PDE1A: variants seen among roughly 807,000 people sequenced by gnomAD.
The protein encoded by PDE1A is dual specificity calcium/calmodulin-dependent 3',5'-cyclic nucleotide phosphodiesterase 1A.
In PDE1A, 35 loss-of-function variants were observed where a neutral mutation model predicts 61.7. That is an observed-to-expected ratio of 0.57 (90% CI 0.43 to 0.75). PDE1A has a LOEUF of 0.75. Among genes scored for constraint, PDE1A ranks in the 30% least tolerant of loss-of-function variants. The probability of loss-of-function intolerance (pLI) is 0.00; values close to 1 mark genes in which losing one functional copy is unlikely to be tolerated. For missense variants in PDE1A, 597 were observed against 630.6 expected (o/e 0.95, Z 0.57); for synonymous variants, 232 against 213.2 (o/e 1.09, Z -0.77).
intron 2 of PDE1A, among the ~76,000 whole-genome samples, chr2:182,454,975 C>A (rs1685802812): frequency 6.6e-6 from 1 of 151,518 alleles, no homozygotes; most frequent in Non-Finnish European, 1.5e-5. Context: ...AGGCAACCTA[C>A]AAAATGGGAG....
At chr2:182,181,448 C>G (rs1289020621) in intron 13 of PDE1A, among the ~76,000 whole-genome samples, 1 of 152,228 alleles carries the variant, frequency 6.6e-6, no homozygotes, top group Non-Finnish European at 1.5e-5. Flanking sequence ...TTGCTGTCTG[C>G]TCCTTCCTCT....
chr2:182,677,592 C>T, the PDE1A span, among the ~76,000 whole-genome samples: 1 of 152,136 alleles, frequency 6.6e-6, no homozygotes, highest in Non-Finnish European at 1.5e-5. Flanking sequence ...ATACCCAAGA[C>T]AATGCTGAAG....
chr2:182,155,061 A>G (rs1690997686), intron 13 of PDE1A, among the ~76,000 whole-genome samples: 1 of 150,754 alleles, frequency 6.6e-6, no homozygotes, highest in South Asian at 2.1e-4. Flanking sequence ...ATGAATATAA[A>G]AAAATGTCCA....
the PDE1A span, among the ~76,000 whole-genome samples, chr2:182,702,375 T>C: frequency 6.6e-6 from 1 of 152,200 alleles, no homozygotes; most frequent in African/African-American, 2.4e-5. Context: ...AGTGCTGGGA[T>C]TACAGGTGTG....
At chr2:182,241,075 T>C (rs1210674738) in intron 2 of PDE1A, among the ~76,000 whole-genome samples, 2 of 152,106 alleles carry the variant, frequency 1.3e-5, no homozygotes, top group Non-Finnish European at 2.9e-5. Flanking sequence ...GTAGATAAAA[T>C]TGACTGGACT....
chr2:182,542,576 A>T, the PDE1A span, among the ~76,000 whole-genome samples: 1 of 152,108 alleles, frequency 6.6e-6, no homozygotes, highest in Non-Finnish European at 1.5e-5. Flanking sequence ...CAGTTTTTAA[A>T]TTTTTTATAA....
the PDE1A span, among the ~76,000 whole-genome samples, chr2:182,710,827 T>C: frequency 6.6e-6 from 1 of 152,300 alleles, no homozygotes; most frequent in East Asian, 1.9e-4. Context: ...GAGTTCCACA[T>C]TTTTCTCGAA....
the PDE1A span, among the ~76,000 whole-genome samples, chr2:182,582,451 G>A: frequency 6.6e-6 from 1 of 152,128 alleles, no homozygotes; most frequent in Non-Finnish European, 1.5e-5. Context: ...AAATAAAACA[G>A]TATAACTGAA....
intron 1 of PDE1A, among the ~76,000 whole-genome samples, chr2:182,282,635 A>T (rs1021898426): frequency 6.6e-6 from 1 of 152,012 alleles, no homozygotes; most frequent in Non-Finnish European, 1.5e-5. Context: ...TGTGTTAGTT[A>T]TGTGTGAGTA....
chr2:182,705,145 G>T, the PDE1A span, among the ~76,000 whole-genome samples: 1 of 152,298 alleles, frequency 6.6e-6, no homozygotes, highest in South Asian at 2.1e-4. Flanking sequence ...GTGTCCTGAA[G>T]GGCCAAATCT....
At chr2:182,154,992 T>C (rs1690991548) in intron 13 of PDE1A, among the ~76,000 whole-genome samples, 2 of 151,644 alleles carry the variant, frequency 1.3e-5, no homozygotes, top group Admixed American at 1.3e-4. Context: ...TTACCACTTA[T>C]CTGAAATCTC....
intron 1 of PDE1A, among the ~76,000 whole-genome samples, chr2:182,419,056 G>A (rs1486867720): frequency 6.8e-6 from 1 of 146,222 alleles, no homozygotes; most frequent in Non-Finnish European, 1.5e-5. Flanking sequence ...TCCTGTTCCA[G>A]TTCCACTAAA....
chr2:182,171,918 C>T (rs965050522), intron 13 of PDE1A, among the ~76,000 whole-genome samples: 2 of 151,876 alleles, frequency 1.3e-5, no homozygotes, highest in Non-Finnish European at 2.9e-5. Flanking sequence ...CAAATTTCCA[C>T]ACTTCCTGTC....
intron 1 of PDE1A, among the ~76,000 whole-genome samples, chr2:182,409,387 T>G (rs1253109050): frequency 6.6e-6 from 1 of 152,254 alleles, no homozygotes; most frequent in East Asian, 1.9e-4. Context: ...TTTAATGTTA[T>G]TTGTTATTCA....
At chr2:182,561,133 A>T in the PDE1A span, among the ~76,000 whole-genome samples, 121,155 of 146,516 alleles carry the variant, frequency 0.83, 50,431 homozygotes, top group East Asian at 0.99. Context: ...TCCTTGCCCA[A>T]GCCTATGTCC....
chr2:182,436,797 G>GATTATATAT (rs1285443235), intron 2 of PDE1A, among the ~76,000 whole-genome samples: 1 of 151,898 alleles, frequency 6.6e-6, no homozygotes, highest in Non-Finnish European at 1.5e-5. Flanking sequence ...ATTTGCCAAA[G>GATTATATAT]ACTATATAGT....
chr2:182,524,927 T>A (rs1438964052), upstream of PDE1A, among the ~76,000 whole-genome samples: 3 of 151,812 alleles, frequency 2.0e-5, no homozygotes, highest in African/African-American at 7.2e-5. Flanking sequence ...TAATATTTTA[T>A]TAGGAATGGT....
chr2:182,301,632 A>G (rs1398564615), intron 1 of PDE1A, among the ~76,000 whole-genome samples: 13 of 152,240 alleles, frequency 8.5e-5, no homozygotes. Context: ...AATATAAAAC[A>G]GTGAGTATGC....
intron 2 of PDE1A, among the ~76,000 whole-genome samples, chr2:182,254,837 A>C (rs1480708773): frequency 6.6e-6 from 1 of 152,150 alleles, no homozygotes; most frequent in Non-Finnish European, 1.5e-5. Context: ...TTGAGAAAGC[A>C]CTTTCCTCCA....
Sources: gnomAD v4.1 joint callset for allele counts (sites outside exome capture counted in the v4.1 genomes callset) on GRCh38, gnomAD v4.1.1 for gene constraint, MANE v1.5 for transcripts, NCBI Gene and HGNC (gene_info 2026-07-23, HGNC 2026-07-21) for gene names.